Variants in MTA3 observed in about 807,000 individuals in gnomAD.
MTA3 encodes metastasis-associated protein MTA3.
Under a neutral mutation model 83.5 loss-of-function variants are expected in MTA3, and 34 were observed. That is an observed-to-expected ratio of 0.41 (90% CI 0.31 to 0.54). MTA3 has a LOEUF of 0.54. Among genes scored for constraint, MTA3 ranks in the 20% least tolerant of loss-of-function variants. The probability of loss-of-function intolerance (pLI) is 0.33; values close to 1 mark genes in which losing one functional copy is unlikely to be tolerated. For synonymous variants in MTA3, 303 were observed against 252.7 expected (o/e 1.20, Z -1.89); for missense variants, 761 against 726.4 (o/e 1.05, Z -0.55).
intron 16 of MTA3, among the ~76,000 whole-genome samples, chr2:42,750,964 C>A (rs1669834075): frequency 6.6e-6 from 1 of 152,168 alleles, no homozygotes; most frequent in South Asian, 2.1e-4. Flanking sequence ...ATTTCATGAG[C>A]CTTTGGGGTT....
At chr2:42,729,188 G>A (rs948746991) in intron 16 of MTA3, among the ~76,000 whole-genome samples, 3 of 140,770 alleles carry the variant, frequency 2.1e-5, no homozygotes, top group Non-Finnish European at 4.5e-5. Context: ...CTACCTTCCG[G>A]GGGGTTCATG....
At chr2:42,722,391 G>C (rs983522638) in intron 15 of MTA3, among the ~76,000 whole-genome samples, 1 of 151,990 alleles carries the variant, frequency 6.6e-6, no homozygotes, top group Non-Finnish European at 1.5e-5. Flanking sequence ...AAATGTTCTA[G>C]GCTGCGAGTA....
At chr2:42,525,320 C>T (rs1558413959) in intron 2 of MTA3, among the ~76,000 whole-genome samples, 1 of 152,072 alleles carries the variant, frequency 6.6e-6, no homozygotes, top group Non-Finnish European at 1.5e-5. Flanking sequence ...GTGCCTCAGC[C>T]TCCTGAGTAG....
chr2:42,515,157 C>G (rs1572905744), intron 2 of MTA3, among the ~76,000 whole-genome samples: 2 of 152,156 alleles, frequency 1.3e-5, no homozygotes, highest in East Asian at 1.9e-4. Context: ...CTCCCGGGTT[C>G]AAGCAATTCT....
At chr2:42,498,565 A>G (rs1674249633) in intron 2 of MTA3, among the ~76,000 whole-genome samples, 1 of 152,170 alleles carries the variant, frequency 6.6e-6, no homozygotes. Context: ...CACATGCATA[A>G]TTGGTACACA....
chr2:42,667,270 A>G (rs1365564654), intron 8 of MTA3, among the ~76,000 whole-genome samples: 1 of 152,028 alleles, frequency 6.6e-6, no homozygotes, highest in African/African-American at 2.4e-5. Flanking sequence ...ACTCCTTTTC[A>G]CCATTTTTAA....
chr2:42,710,263 G>A (rs1385250654), intron 14 of MTA3, among the ~76,000 whole-genome samples: 4 of 152,132 alleles, frequency 2.6e-5, no homozygotes, highest in Admixed American at 2.6e-4. Context: ...TTTGTAAAGG[G>A]AGTTGAGGGC....
chr2:42,658,543 A>G (rs1178592659), intron 7 of MTA3, among the ~76,000 whole-genome samples: 1 of 152,166 alleles, frequency 6.6e-6, no homozygotes, highest in Non-Finnish European at 1.5e-5. Flanking sequence ...TTTTAATCAA[A>G]AGAAGCTGGA....
intron 4 of MTA3, among the ~76,000 whole-genome samples, chr2:42,636,632 T>C (rs1558528345): frequency 2.0e-5 from 3 of 149,490 alleles, no homozygotes; most frequent in Admixed American, 6.6e-5. Context: ...CTTTCTTTTT[T>C]TTTTTTTTTT....
chr2:42,710,543 T>TC (rs1240650768), intron 14 of MTA3, among the ~76,000 whole-genome samples: 2 of 105,844 alleles, frequency 1.9e-5, no homozygotes, highest in East Asian at 5.7e-4. Context: ...GAGCGAAACT[T>TC]CATCTCAAAA....
intron 4 of MTA3, among the ~76,000 whole-genome samples, chr2:42,622,675 T>G (rs1685698435): frequency 6.6e-6 from 1 of 151,884 alleles, no homozygotes; most frequent in South Asian, 2.1e-4. Context: ...TTTTTTTTTT[T>G]GAAATGGGAT....
intron 2 of MTA3, among the ~76,000 whole-genome samples, chr2:42,521,895 C>T (rs537656884): frequency 2.5e-4 from 38 of 152,012 alleles, no homozygotes; most frequent in Middle Eastern, 3.4e-3. Context: ...GCCGGGATTA[C>T]AGGCACCTGC....
chr2:42,704,156 CA>C, intron 11 of MTA3, 37 bp from the exon 12 acceptor site: 1 of 1,600,388 alleles, frequency 6.2e-7, no homozygotes, highest in African/African-American at 1.3e-5. Context: ...CCTTATTGTA[CA>C]AATCATTTTA....
At chr2:42,709,770 T>C (rs1463315185) in intron 14 of MTA3, among the ~76,000 whole-genome samples, 1 of 152,246 alleles carries the variant, frequency 6.6e-6, no homozygotes, top group African/African-American at 2.4e-5. Context: ...GCAGCCTGTT[T>C]GTCCAGTTTG....
chr2:42,579,269 G>A, intron 3 of MTA3, 69 bp downstream of exon 3: 1 of 1,154,466 alleles, frequency 8.7e-7, no homozygotes, highest in Non-Finnish European at 1.2e-6. Flanking sequence ...GTGGAAACAT[G>A]CTTTTTCTTA....
upstream of MTA3, among the ~76,000 whole-genome samples, chr2:42,564,217 C>G (rs943517468): frequency 1.3e-5 from 2 of 152,182 alleles, no homozygotes; most frequent in East Asian, 3.8e-4. Context: ...CCCATTATGA[C>G]TTAGTCCCTT....
intron 16 of MTA3, 60 bp downstream of exon 16, chr2:42,723,095 G>A (rs762466937): frequency 5.3e-6 from 8 of 1,501,974 alleles, no homozygotes; most frequent in South Asian, 2.5e-5. Flanking sequence ...ACTCAGGCAT[G>A]TGTCTGCCAC....
At chr2:42,670,606 T>C (rs1391471142) in intron 8 of MTA3, among the ~76,000 whole-genome samples, 3 of 152,110 alleles carry the variant, frequency 2.0e-5, no homozygotes, top group Non-Finnish European at 4.4e-5. Context: ...TCCTTATGCC[T>C]ACTCAGGTAA....
intron 2 of MTA3, among the ~76,000 whole-genome samples, chr2:42,507,537 A>G (rs1674689695): frequency 6.6e-6 from 1 of 152,112 alleles, no homozygotes; most frequent in Non-Finnish European, 1.5e-5. Flanking sequence ...GACTAGGAAT[A>G]TGAGGTTAGA....
Sources: gnomAD v4.1 joint callset for allele counts (sites outside exome capture counted in the v4.1 genomes callset) on GRCh38, gnomAD v4.1.1 for gene constraint, MANE v1.5 for transcripts, NCBI Gene and HGNC (gene_info 2026-07-23, HGNC 2026-07-21) for gene names.